The following CNTN5 variants were observed in gnomAD, a reference collection of about 807,000 sequenced individuals.
CNTN5 encodes the protein contactin-5.
Under a neutral mutation model 129.1 loss-of-function variants are expected in CNTN5, and 77 were observed. The ratio of observed to expected loss-of-function variants is 0.60; its 90% CI spans 0.50 to 0.72. CNTN5 has a LOEUF of 0.72. CNTN5 is among the 30% of genes least tolerant of loss of function. The pLI is 0.00. For missense variants in CNTN5, 1,478 were observed against 1,328.8 expected (o/e 1.11, Z -1.75); for synonymous variants, 509 against 465.6 (o/e 1.09, Z -1.20).
At chr11:99,790,320 C>T (rs775190535) in intron 3 of CNTN5, among the ~76,000 whole-genome samples, 1 of 151,984 alleles carries the variant, frequency 6.6e-6, no homozygotes, top group Non-Finnish European at 1.5e-5. Flanking sequence ...GATCCTCACC[C>T]TTCTCTCTCC....
chr11:99,042,719 A>G (rs1226207109), intron 1 of CNTN5, among the ~76,000 whole-genome samples: 1 of 152,074 alleles, frequency 6.6e-6, no homozygotes, highest in Non-Finnish European at 1.5e-5. Flanking sequence ...TATTTCATGT[A>G]TTTAGCAAGC....
At chr11:99,357,280 G>A (rs74868569) in intron 2 of CNTN5, among the ~76,000 whole-genome samples, 6 of 151,850 alleles carry the variant, frequency 4.0e-5, no homozygotes, top group African/African-American at 1.2e-4. Flanking sequence ...TATTCCCCTA[G>A]TATTCAATAT....
chr11:99,025,829 T>G (rs1863085761), intron 1 of CNTN5, among the ~76,000 whole-genome samples: 2 of 151,718 alleles, frequency 1.3e-5, no homozygotes, highest in Admixed American at 1.3e-4. Flanking sequence ...TTATCTTTAT[T>G]TTCTTAAATA....
chr11:99,382,618 A>G (rs921132090), intron 2 of CNTN5, among the ~76,000 whole-genome samples: 1 of 152,182 alleles, frequency 6.6e-6, no homozygotes, highest in East Asian at 1.9e-4. Context: ...CCTCTCTTGT[A>G]TGATATTATG....
chr11:99,407,067 C>T (rs1942106234), intron 2 of CNTN5, among the ~76,000 whole-genome samples: 1 of 152,106 alleles, frequency 6.6e-6, no homozygotes, highest in Admixed American at 6.6e-5. Flanking sequence ...GAGTACCTAA[C>T]ATGAAAGAAA....
At chr11:99,734,247 C>T (rs537497811) in intron 3 of CNTN5, among the ~76,000 whole-genome samples, 5 of 152,218 alleles carry the variant, frequency 3.3e-5, no homozygotes, top group African/African-American at 1.2e-4. Context: ...ATAAACAATC[C>T]AATTATATTC....
chr11:99,763,748 A>T (rs996930337), intron 3 of CNTN5, among the ~76,000 whole-genome samples: 2 of 152,094 alleles, frequency 1.3e-5, no homozygotes, highest in Non-Finnish European at 2.9e-5. Context: ...AAAGAAAAAG[A>T]AGATTTTTAG....
chr11:99,413,843 C>A (rs374862209), intron 2 of CNTN5, among the ~76,000 whole-genome samples: 1 of 152,112 alleles, frequency 6.6e-6, no homozygotes, highest in Admixed American at 6.6e-5. Flanking sequence ...GAAAAAAATC[C>A]TTTTATTTAT....
At chr11:99,161,783 A>C (rs769240525) in intron 1 of CNTN5, among the ~76,000 whole-genome samples, 2 of 152,208 alleles carry the variant, frequency 1.3e-5, no homozygotes, top group African/African-American at 2.4e-5. Context: ...TAGGTAGCAA[A>C]GCATAGATTG....
intron 15 of CNTN5, among the ~76,000 whole-genome samples, chr11:100,210,045 A>C (rs71475560): frequency 6.8e-6 from 1 of 147,364 alleles, no homozygotes; most frequent in Non-Finnish European, 1.5e-5. Flanking sequence ...GAGGTTAAAA[A>C]AATAGTCCAG....
rs553307684 is a variant in CNTN5 at position 99,850,112 on chromosome 11, T to C, written c.577+4850T>C. ...TTTAAAACCACTTATTTAATTTTCCTTACAGAAGTTTAACAGTTTAGGAGA... is the reference window on the plus strand; with the variant it reads ...TTTAAAACCACTTATTTAATTTTCCCTACAGAAGTTTAACAGTTTAGGAGA... On this transcript the variant is annotated intron_variant, in intron 6 of 24. Coordinates refer to ENST00000524871, the MANE Select transcript of CNTN5 (RefSeq NM_014361.4). Among the ~76,000 whole-genome samples the C allele has an allele frequency of 3.3e-5, 5 of 152,266 alleles. No homozygotes were observed. In the South Asian group the frequency reaches 8.3e-4, roughly 25 times the overall value.
chr11:100,196,271 TG>T (rs766915349), intron 15 of CNTN5, among the ~76,000 whole-genome samples: 3 of 152,104 alleles, frequency 2.0e-5, no homozygotes, highest in Non-Finnish European at 2.9e-5. Context: ...ACATTACCAC[TG>T]CATGAGGTAA....
At chr11:99,573,526 C>A (rs1315731994) in intron 3 of CNTN5, among the ~76,000 whole-genome samples, 1 of 151,716 alleles carries the variant, frequency 6.6e-6, no homozygotes, top group Non-Finnish European at 1.5e-5. Flanking sequence ...GCCCAGATCA[C>A]GCCACTGCAC....
At chr11:99,173,157 CCA>C (rs1438198378) in intron 1 of CNTN5, among the ~76,000 whole-genome samples, 1 of 152,106 alleles carries the variant, frequency 6.6e-6, no homozygotes, top group Non-Finnish European at 1.5e-5. Flanking sequence ...TGGGTTCCTC[CCA>C]CAATATGTGG....
chr11:99,482,200 G>A (rs906788444), intron 2 of CNTN5, among the ~76,000 whole-genome samples: 1 of 152,182 alleles, frequency 6.6e-6, no homozygotes, highest in East Asian at 1.9e-4. Flanking sequence ...GCAAAGGGAT[G>A]CAATGAAAGA....
At chr11:99,450,282 A>C (rs931381485) in intron 2 of CNTN5, among the ~76,000 whole-genome samples, 1 of 135,526 alleles carries the variant, frequency 7.4e-6, no homozygotes, top group Non-Finnish European at 1.6e-5. Flanking sequence ...ATATATATAT[A>C]TATGTTTGTG....
chr11:100,199,001 A>C (rs567702605), intron 15 of CNTN5, among the ~76,000 whole-genome samples: 1 of 151,994 alleles, frequency 6.6e-6, no homozygotes, highest in South Asian at 2.1e-4. Context: ...AATAGAACAT[A>C]GTAAGTGCTC....
intron 3 of CNTN5, among the ~76,000 whole-genome samples, chr11:99,778,292 T>C (rs1266684088): frequency 2.6e-5 from 4 of 151,756 alleles, no homozygotes; most frequent in Non-Finnish European, 5.9e-5. Context: ...TGAGAAGTGT[T>C]GTCATCTTGA....
In CNTN5 at chr11:100,061,337, G is replaced by A; in HGVS notation, c.1106G>A (p.Cys369Tyr). The part of the protein sequence containing the change: ...VQLDDAGIYE[C>Y]RAENSRGKNS... The stretch of plus-strand genomic sequence containing the variant: ...CTGGATGATGCAGGCATTTATGAGT[G>A]CAGAGCTGAAAACTCACGTGGAAAA... The change falls in exon 10 of 25, where the codon TGC becomes TAC. Residue 369 changes from cysteine to tyrosine, a missense_variant. By Grantham distance (194) the Cys-to-Tyr change is radical. Transcript: ENST00000524871. 1 of 1,610,074 alleles carries A rather than the reference G, an allele frequency of 6.2e-7. No individual in the cohort carries two copies. Among genetic ancestry groups the A allele is most frequent in the South Asian group, 1.1e-5 (1 of 90,724 alleles).
Sources: gnomAD v4.1 joint callset for allele counts (sites outside exome capture counted in the v4.1 genomes callset) on GRCh38, gnomAD v4.1.1 for gene constraint, MANE v1.5 for transcripts, NCBI Gene and HGNC (gene_info 2026-07-23, HGNC 2026-07-21) for gene names.